DISC1: variants seen among roughly 807,000 people sequenced by gnomAD.
DISC1 encodes the protein disrupted in schizophrenia 1 protein.
DISC1 carries 57 observed loss-of-function variants against 84.5 expected under a neutral mutation model. The ratio of observed to expected loss-of-function variants is 0.67; its 90% CI spans 0.55 to 0.84. The LOEUF (loss-of-function observed/expected upper bound fraction) is 0.84, where lower values mean the gene tolerates loss of function less well. Among genes scored for constraint, DISC1 ranks in the 40% least tolerant of loss-of-function variants. The probability of loss-of-function intolerance (pLI) is 0.00; values close to 1 mark genes in which losing one functional copy is unlikely to be tolerated. For synonymous variants in DISC1, 411 were observed against 415.2 expected, an observed-to-expected ratio of 0.99 and a Z score of 0.12; for missense variants, 1,000 against 1,057.8, an observed-to-expected ratio of 0.95 and a Z score of 0.76.
rs184095641 is a variant in DISC1, at chr1:231,826,305, G to A, written c.1981+7788G>A. On this transcript the variant is annotated intron_variant, in intron 9 of 12. Coordinates refer to ENST00000439617, the MANE Select transcript of DISC1 (RefSeq NM_018662.3). This position sits in a 1 kb window ranked among gnomAD's most constrained non-coding sequence, Gnocchi z 4.2. ...GTTCTTTATGAATTTGATTCCTAAC[G>A]TCAGTCTCTCTATCCATCCCGCAAC... Among the ~76,000 whole-genome samples, 10 of 152,220 alleles carry A rather than the reference G, an allele frequency of 6.6e-5. No homozygotes were observed. Among genetic ancestry groups the A allele is most frequent in the Admixed American group, 2.6e-4 (4 of 15,298 alleles).
chr1:231,993,121 T>A (rs1169450034), intron 10 of DISC1, among the ~76,000 whole-genome samples: 2 of 152,102 alleles, frequency 1.3e-5, no homozygotes, highest in African/African-American at 4.8e-5. Context: ...GAGATGGGCC[T>A]TGATGAAATG....
At position 231,641,998 on chromosome 1, in the gene DISC1, G is replaced by T. The variant is rs570847910; in HGVS notation, c.67+15064G>T. Among the ~76,000 whole-genome samples, 376 of 152,344 alleles carry T rather than the reference G, an allele frequency of 2.5e-3. 6 individuals carry two copies. The highest frequency in any genetic ancestry group is 8.6e-3 in the African/African-American group (359 of 41,576). ...GATGGGACTGGGCGCTGTGGAGCAG[G>T]GGGCGGCGCTTGTCGGGGAGGCTCG... is the stretch of plus-strand genomic sequence containing the variant. On this transcript the variant is annotated intron_variant, in intron 1 of 12. Transcript: ENST00000439617.
intron 11 of DISC1, among the ~76,000 whole-genome samples, chr1:232,018,927 G>T (rs191889890): frequency 7.4e-4 from 113 of 152,318 alleles, no homozygotes; most frequent in African/African-American, 2.6e-3. Context: ...GGTTCTTCTT[G>T]TTGGTTTTCC....
chr1:231,791,841 C>T (rs753907337), intron 6 of DISC1, among the ~76,000 whole-genome samples: 8 of 152,158 alleles, frequency 5.3e-5, no homozygotes, highest in East Asian at 1.9e-4. Flanking sequence ...CCTGGAATTA[C>T]GGTTTGGGGA....
rs201902199 is a variant in DISC1, at chr1:231,750,058, G to C, written c.1250G>C (p.Arg417Pro). ...HLAAQVQAALRRGATQQASGD... is the reference protein window; with the variant it reads ...HLAAQVQAALPRGATQQASGD... ...GCAGCACAAGTCCAGGCTGCCTTGC[G>C]CCGTGGGGCCACTCAGCAGTGAGTA... The change falls in exon 4 of 13, where the codon CGC (arginine) becomes CCC (proline). Residue 417 changes from arginine (R) to proline (P), a missense_variant. Physicochemically the swap from Arg to Pro is moderately radical, Grantham distance 103. This residue lies in a region of DISC1 where 311 missense variants were observed against 400.1 expected (regional missense o/e 0.78). Coordinates refer to ENST00000439617, the MANE Select transcript of DISC1 (RefSeq NM_018662.3). 6.2e-7 allele frequency: 1 copy of C among 1,614,084 alleles called. No homozygotes were observed. The highest frequency in any genetic ancestry group is 1.7e-5 in the Admixed American group (1 of 60,018).
chr1:231,713,455 G>T (rs962112944), intron 3 of DISC1, among the ~76,000 whole-genome samples: 1 of 151,912 alleles, frequency 6.6e-6, no homozygotes, highest in African/African-American at 2.4e-5. Flanking sequence ...GAAATAAAGT[G>T]ATAGAAATTA....
At chr1:231,902,419 G>C (rs1276285872) in intron 9 of DISC1, among the ~76,000 whole-genome samples, 1 of 152,110 alleles carries the variant, frequency 6.6e-6, no homozygotes, top group Non-Finnish European at 1.5e-5. Flanking sequence ...TGGCCAACAT[G>C]ATGAAACCCC....
chr1:231,869,456 A>G (rs1041644664), intron 9 of DISC1, among the ~76,000 whole-genome samples: 5 of 152,124 alleles, frequency 3.3e-5, no homozygotes, highest in African/African-American at 1.2e-4. Flanking sequence ...CTATAATGGA[A>G]TAATTGTGGC....
chr1:231,791,540 A>G (rs1254291568), intron 6 of DISC1, among the ~76,000 whole-genome samples: 1 of 152,238 alleles, frequency 6.6e-6, no homozygotes, highest in East Asian at 1.9e-4. Flanking sequence ...TAAGTGTTCA[A>G]TAAATGTTGG....
chr1:231,855,851 A>G (rs2084231028), intron 9 of DISC1, among the ~76,000 whole-genome samples: 1 of 152,190 alleles, frequency 6.6e-6, no homozygotes, highest in South Asian at 2.1e-4. Context: ...GTTCACGTGC[A>G]TATTCCAAAA....
rs111846808 is a variant in DISC1, at chr1:232,009,457, T to TTTAC, written c.2307+411_2307+412insCTTA. 159,591 of 577,116 alleles carry TTTAC rather than the reference T, an allele frequency of 0.28. 23,470 individuals are homozygous for TTTAC. The highest frequency in any genetic ancestry group is 0.28 in the Non-Finnish European group (129,512 of 459,418). 35.7% of individuals were successfully genotyped at this position (577,116 alleles called of 1,614,324 possible). ...TATGTATTGTATGTCATATATGATG[T>TTTAC]TTATATATTTAGAATCTATATATTA... On this transcript the variant is annotated intron_variant, in intron 11 of 12. Coordinates refer to ENST00000439617, the MANE Select transcript of DISC1 (RefSeq NM_018662.3). This position sits in a 1 kb window ranked among gnomAD's most constrained non-coding sequence, Gnocchi z 4.6.
At chr1:231,771,210 G>T in intron 6 of DISC1, 140 bp downstream of exon 6, 1 of 1,450,882 alleles carries the variant, frequency 6.9e-7, no homozygotes, top group Non-Finnish European at 9.1e-7. Context: ...TGGTGTTTTG[G>T]GTGGGAAAAT....
intron 9 of DISC1, among the ~76,000 whole-genome samples, chr1:231,883,333 C>G (rs969900610): frequency 9.9e-5 from 15 of 152,246 alleles, no homozygotes; most frequent in African/African-American, 3.1e-4. Flanking sequence ...AACCCTCCCC[C>G]CAGCAACCCC....
chr1:231,707,304 A>G lies in DISC1; in HGVS notation c.1117+5280A>G, dbSNP rs370545987. On this transcript the variant is annotated intron_variant, in intron 3 of 12. Transcript: ENST00000439617. ...TCTGCACAGAAAAAAAGCAAACATG[A>G]CCACCAGTGCAATTTCCACCTGCAG... 1.0e-3 allele frequency among the ~76,000 whole-genome samples: 155 copies of G among 152,284 alleles called. 1 individual carries two copies. Among genetic ancestry groups the G allele is most frequent in the African/African-American group, 3.7e-3 (154 of 41,558 alleles).
At chr1:231,650,437 T>G (rs2060515259) in intron 1 of DISC1, among the ~76,000 whole-genome samples, 1 of 152,262 alleles carries the variant, frequency 6.6e-6, no homozygotes, top group Non-Finnish European at 1.5e-5. Flanking sequence ...TATCCACTGT[T>G]AGTCATCAGA....
At chr1:231,848,504 A>T (rs2083622890) in intron 9 of DISC1, among the ~76,000 whole-genome samples, 1 of 152,196 alleles carries the variant, frequency 6.6e-6, no homozygotes, top group East Asian at 1.9e-4. Flanking sequence ...GGTCCTGGGT[A>T]GCCTGAGAAT....
intron 9 of DISC1, among the ~76,000 whole-genome samples, chr1:231,867,719 T>C (rs1424332088): frequency 6.6e-6 from 1 of 152,240 alleles, no homozygotes; most frequent in Non-Finnish European, 1.5e-5. Flanking sequence ...GATCTTCCCA[T>C]ACAGTTAGAT....
intron 9 of DISC1, among the ~76,000 whole-genome samples, chr1:231,864,935 T>G (rs1385375892): frequency 6.6e-6 from 1 of 152,218 alleles, no homozygotes. Context: ...CTTAGTACAA[T>G]TAAATCTCCT....
At chr1:231,971,375 A>C (rs1490728180) in intron 10 of DISC1, among the ~76,000 whole-genome samples, 1 of 152,206 alleles carries the variant, frequency 6.6e-6, no homozygotes, top group East Asian at 1.9e-4. Context: ...ATAAAAGTAA[A>C]ACCCCTCATG....
Sources: allele counts gnomAD v4.1 joint callset (sites outside exome capture counted in the v4.1 genomes callset), GRCh38; gene constraint gnomAD v4.1.1; regional missense constraint gnomAD v4.1.1; non-coding constraint Gnocchi (gnomAD v3.1); transcripts MANE v1.5; gene names NCBI Gene and HGNC (gene_info 2026-07-23, HGNC 2026-07-21).